Variants in KIAA1217 observed in about 807,000 individuals in gnomAD.
The protein encoded by KIAA1217 is sickle tail protein homolog.
In KIAA1217, 88 loss-of-function variants were observed where a neutral mutation model predicts 163.9. The ratio of observed to expected loss-of-function variants is 0.54; its 90% CI spans 0.45 to 0.64. KIAA1217 has a LOEUF of 0.64. Among genes scored for constraint, KIAA1217 ranks in the 30% least tolerant of loss-of-function variants. KIAA1217 has a pLI of 0.00. For missense variants in KIAA1217, 2,372 were observed against 2,475.0 expected (o/e 0.96, Z 0.88); for synonymous variants, 903 against 923.1 (o/e 0.98, Z 0.39).
chr10:24,150,612 C>A (rs1326162596), intron 2 of KIAA1217, among the ~76,000 whole-genome samples: 1 of 152,124 alleles, frequency 6.6e-6, no homozygotes, highest in Non-Finnish European at 1.5e-5. Context: ...CTTGTCAGGA[C>A]AGAAATCAAA....
At chr10:24,046,362 C>T (rs570135198) in intron 2 of KIAA1217, among the ~76,000 whole-genome samples, 45 of 152,244 alleles carry the variant, frequency 3.0e-4, no homozygotes, top group Middle Eastern at 3.4e-3. Context: ...AGTCCTATTG[C>T]TATTCCTATT....
chr10:24,052,883 T>C (rs1849618697), intron 2 of KIAA1217, among the ~76,000 whole-genome samples: 1 of 152,140 alleles, frequency 6.6e-6, no homozygotes, highest in Non-Finnish European at 1.5e-5. Flanking sequence ...GCCTATTAGA[T>C]TACCCATCTC....
chr10:23,946,754 T>C (rs192428440), intron 1 of KIAA1217, among the ~76,000 whole-genome samples: 16 of 152,342 alleles, frequency 1.1e-4, no homozygotes, highest in Admixed American at 9.8e-4. Context: ...ATTTTGTTAA[T>C]ATTCTAGTTT....
At chr10:23,816,523 C>T (rs934917088) in intron 1 of KIAA1217, among the ~76,000 whole-genome samples, 1 of 152,138 alleles carries the variant, frequency 6.6e-6, no homozygotes, top group African/African-American at 2.4e-5. Flanking sequence ...AAACTCCTGG[C>T]CGGGTGCGGT....
chr10:24,094,935 A>T (rs187644331), intron 2 of KIAA1217, among the ~76,000 whole-genome samples: 8,256 of 152,160 alleles, frequency 0.054, 764 homozygotes, highest in African/African-American at 0.19. Flanking sequence ...AGCCTAGGCA[A>T]TGGTGGGCGC....
chr10:23,830,162 A>G (rs1306980707), intron 1 of KIAA1217, among the ~76,000 whole-genome samples: 1 of 152,124 alleles, frequency 6.6e-6, no homozygotes, highest in African/African-American at 2.4e-5. Flanking sequence ...TTTTTTGGGT[A>G]AGGTAAATTA....
chr10:24,124,109 A>C (rs2063383689), intron 2 of KIAA1217, among the ~76,000 whole-genome samples: 1 of 152,118 alleles, frequency 6.6e-6, no homozygotes, highest in Admixed American at 6.6e-5. Flanking sequence ...TACTTTGGAG[A>C]ATCTTAAGAA....
intron 1 of KIAA1217, among the ~76,000 whole-genome samples, chr10:23,951,081 A>G (rs996226706): frequency 1.3e-5 from 2 of 152,168 alleles, no homozygotes; most frequent in Non-Finnish European, 2.9e-5. Context: ...ATCGTTTGGT[A>G]TGAAAGGCAG....
At chr10:23,725,358 G>T (rs963138460) in intron 1 of KIAA1217, among the ~76,000 whole-genome samples, 6 of 152,214 alleles carry the variant, frequency 3.9e-5, no homozygotes, top group African/African-American at 9.6e-5. Context: ...AATGCACATA[G>T]AAGGCAGTTT....
intron 1 of KIAA1217, among the ~76,000 whole-genome samples, chr10:23,906,323 G>A (rs1842163220): frequency 6.6e-6 from 1 of 151,478 alleles, no homozygotes; most frequent in Non-Finnish European, 1.5e-5. Flanking sequence ...ACATACTCAA[G>A]GCTTTTCTCA....
At chr10:24,525,045 T>G (rs1231597478) in intron 13 of KIAA1217, among the ~76,000 whole-genome samples, 2 of 123,578 alleles carry the variant, frequency 1.6e-5, no homozygotes, top group East Asian at 4.3e-4. Context: ...TGGTAAATGT[T>G]TAACAACCAG....
At chr10:24,241,035 T>A (rs2073025517) in intron 2 of KIAA1217, among the ~76,000 whole-genome samples, 2 of 152,072 alleles carry the variant, frequency 1.3e-5, no homozygotes, top group African/African-American at 4.8e-5. Context: ...TTGGTAGAGA[T>A]GGGGTTTCAC....
chr10:24,159,949 T>C (rs923620533), intron 2 of KIAA1217, among the ~76,000 whole-genome samples: 1 of 152,208 alleles, frequency 6.6e-6, no homozygotes, highest in Non-Finnish European at 1.5e-5. Context: ...CTAGAACCAC[T>C]TGTTGAAAAG....
At chr10:24,303,196 T>C (rs939431395) in intron 2 of KIAA1217, among the ~76,000 whole-genome samples, 9 of 151,950 alleles carry the variant, frequency 5.9e-5, no homozygotes, top group African/African-American at 1.5e-4. Flanking sequence ...AAATTTTTTT[T>C]TTAGAGACAG....
intron 2 of KIAA1217, among the ~76,000 whole-genome samples, chr10:24,062,505 A>G (rs2060767507): frequency 6.6e-6 from 1 of 151,310 alleles, no homozygotes; most frequent in Non-Finnish European, 1.5e-5. Flanking sequence ...TCCATGGTGT[A>G]TATGTGCCAC....
intron 1 of KIAA1217, among the ~76,000 whole-genome samples, chr10:23,853,799 C>G (rs777581818): frequency 9.9e-5 from 15 of 152,060 alleles, no homozygotes; most frequent in African/African-American, 3.1e-4. Context: ...AGTTTATTTG[C>G]GTAGAGGTGT....
chr10:24,150,222 G>A (rs1480742086), intron 2 of KIAA1217, among the ~76,000 whole-genome samples: 2 of 152,072 alleles, frequency 1.3e-5, no homozygotes. Context: ...TCACCATGTT[G>A]GCCAGGCTGG....
chr10:24,409,997 CT>C (rs71397947), intron 3 of KIAA1217, among the ~76,000 whole-genome samples: 19,947 of 123,194 alleles, frequency 0.16, 820 homozygotes, highest in Non-Finnish European at 0.21. Context: ...TTTCTTTTTT[CT>C]TTTTTTTTTT....
chr10:24,361,005 T>C (rs2049914972), intron 2 of KIAA1217, among the ~76,000 whole-genome samples: 1 of 152,100 alleles, frequency 6.6e-6, no homozygotes, highest in South Asian at 2.1e-4. Context: ...TAACCATGGA[T>C]ATTCTAGGAA....
Sources: allele counts gnomAD v4.1 joint callset (sites outside exome capture counted in the v4.1 genomes callset), GRCh38; gene constraint gnomAD v4.1.1; transcripts MANE v1.5; gene names NCBI Gene and HGNC (gene_info 2026-07-23, HGNC 2026-07-21).